The following VRK1 variants were observed in gnomAD, a reference collection of about 807,000 sequenced individuals.
VRK1 encodes serine/threonine-protein kinase VRK1.
Under a neutral mutation model 57.1 loss-of-function variants are expected in VRK1, and 33 were observed. The ratio of observed to expected loss-of-function variants is 0.58; its 90% CI spans 0.44 to 0.77. The LOEUF (loss-of-function observed/expected upper bound fraction) is 0.77, where lower values mean the gene tolerates loss of function less well. Ranked by LOEUF, VRK1 falls within the 30% of genes least tolerant of loss-of-function variation. The pLI is 0.00. For missense variants in VRK1, 413 were observed against 477.3 expected (o/e 0.87, Z 1.25); for synonymous variants, 137 against 147.8 (o/e 0.93, Z 0.53).
At chr14:96,855,171 TA>T (rs1383898419) in intron 7 of VRK1, 52 bp from the exon 8 acceptor site, 1 of 1,613,314 alleles carries the variant, frequency 6.2e-7, no homozygotes, top group African/African-American at 1.3e-5. Flanking sequence ...TTTAAAGGGT[TA>T]TATGTGCAGT....
intron 2 of VRK1, among the ~76,000 whole-genome samples, chr14:96,834,037 G>A (rs1164582289): frequency 6.6e-6 from 1 of 152,022 alleles, no homozygotes; most frequent in East Asian, 1.9e-4. Context: ...TTCTTTCAGT[G>A]CAACCCTCTT....
chr14:96,863,585 T>C (rs911577563), intron 11 of VRK1, among the ~76,000 whole-genome samples: 6 of 152,194 alleles, frequency 3.9e-5, no homozygotes, highest in African/African-American at 9.7e-5. Context: ...TGGAAAGTCG[T>C]TGAGTAAGGT....
chr14:96,802,652 C>T (rs1418677720), intron 1 of VRK1, among the ~76,000 whole-genome samples: 3 of 152,204 alleles, frequency 2.0e-5, no homozygotes, highest in Non-Finnish European at 2.9e-5. Flanking sequence ...TTACATGAAT[C>T]TGTACACATG....
intron 5 of VRK1, among the ~76,000 whole-genome samples, chr14:96,852,113 A>G (rs189522522): frequency 6.6e-6 from 1 of 152,296 alleles, no homozygotes; most frequent in African/African-American, 2.4e-5. Context: ...ATATAACGTG[A>G]TTATTGAATC....
chr14:96,835,429 C>T (rs1887174889), intron 2 of VRK1, among the ~76,000 whole-genome samples: 1 of 152,070 alleles, frequency 6.6e-6, no homozygotes, highest in Non-Finnish European at 1.5e-5. Context: ...GGCTTTTCTT[C>T]TTAGGTTCAC....
intron 1 of VRK1, among the ~76,000 whole-genome samples, chr14:96,810,022 G>A (rs865819616): frequency 6.6e-6 from 1 of 152,112 alleles, no homozygotes; most frequent in Non-Finnish European, 1.5e-5. Context: ...TTAATCACTA[G>A]TGGCTGTATA....
intron 8 of VRK1, 118 bp downstream of exon 8, chr14:96,855,474 T>C: frequency 6.7e-7 from 1 of 1,490,194 alleles, no homozygotes; most frequent in Non-Finnish European, 9.2e-7. Context: ...AAAGGCACAG[T>C]GGCATGAGGA....
intron 1 of VRK1, among the ~76,000 whole-genome samples, chr14:96,815,606 G>T (rs532938589): frequency 6.6e-6 from 1 of 152,038 alleles, no homozygotes; most frequent in South Asian, 2.1e-4. Context: ...AAAAAAAGCC[G>T]GGTGCGGTGG....
intron 4 of VRK1, among the ~76,000 whole-genome samples, chr14:96,846,409 T>C (rs1887694828): frequency 6.6e-6 from 1 of 152,170 alleles, no homozygotes; most frequent in African/African-American, 2.4e-5. Context: ...TAGGAAATAT[T>C]GTTAAACATT....
At chr14:96,857,460 G>A (rs1888210525) in intron 10 of VRK1, among the ~76,000 whole-genome samples, 1 of 152,144 alleles carries the variant, frequency 6.6e-6, no homozygotes, top group African/African-American at 2.4e-5. Flanking sequence ...CGAGGACTGT[G>A]TCTTCATAGG....
At chr14:96,816,765 TGAC>T (rs141986800) in intron 1 of VRK1, among the ~76,000 whole-genome samples, 12,606 of 151,850 alleles carry the variant, frequency 0.083, 675 homozygotes, top group Non-Finnish European at 0.13. Flanking sequence ...ACAGGACAAA[TGAC>T]AAGAAGAAGG....
At chr14:96,824,700 C>T (rs1277023049) in intron 1 of VRK1, among the ~76,000 whole-genome samples, 2 of 150,444 alleles carry the variant, frequency 1.3e-5, no homozygotes, top group Non-Finnish European at 2.9e-5. Flanking sequence ...GTCGCCCAGC[C>T]TGGAGTGCAG....
chr14:96,840,635 A>T (rs938845471), intron 3 of VRK1, among the ~76,000 whole-genome samples: 14 of 152,220 alleles, frequency 9.2e-5, no homozygotes, highest in African/African-American at 3.4e-4. Context: ...TCTATGGGTA[A>T]GATGAGTTTC....
At chr14:96,848,275 C>T (rs760094838) in intron 5 of VRK1, among the ~76,000 whole-genome samples, 5 of 152,104 alleles carry the variant, frequency 3.3e-5, no homozygotes, top group Non-Finnish European at 5.9e-5. Flanking sequence ...TGGTATCTAT[C>T]GTGTGTTGTG....
chr14:96,858,561 T>C (rs1181599990), intron 10 of VRK1, among the ~76,000 whole-genome samples: 1 of 152,210 alleles, frequency 6.6e-6, no homozygotes, highest in Non-Finnish European at 1.5e-5. Context: ...GCAGTTGGTT[T>C]TTGGGTATTA....
chr14:96,805,781 CAT>C (rs902891185), intron 1 of VRK1, among the ~76,000 whole-genome samples: 5 of 152,132 alleles, frequency 3.3e-5, no homozygotes, highest in African/African-American at 1.2e-4. Flanking sequence ...ACCATTGACA[CAT>C]GTTAATGAAA....
At chr14:96,808,028 T>TCTCCCTCA (rs1566683662) in intron 1 of VRK1, among the ~76,000 whole-genome samples, 1 of 83,576 alleles carries the variant, frequency 1.2e-5, no homozygotes, top group Non-Finnish European at 2.4e-5. Flanking sequence ...TGTGTGTGTG[T>TCTCCCTCA]GTGTGTGTGT....
intron 1 of VRK1, among the ~76,000 whole-genome samples, chr14:96,819,464 A>G (rs1886514458): frequency 6.6e-6 from 1 of 152,146 alleles, no homozygotes; most frequent in Non-Finnish European, 1.5e-5. Flanking sequence ...AAATATAAAG[A>G]TGCTGGGGCT....
In VRK1 at chr14:96,841,016, C is replaced by T. The variant is rs114352314; in HGVS notation, c.216+3199C>T. Among the ~76,000 whole-genome samples the T allele has an allele frequency of 9.0e-3, 1,369 of 151,864 alleles. 27 individuals carry two copies. The highest frequency in any genetic ancestry group is 0.031 in the African/African-American group (1,299 of 41,422). ...GACTAAAGGCACGCACCACCATGCC[C>T]GGCTAATTTTTTTGATTTTTTGGTA... On this transcript the variant is annotated intron_variant, in intron 3 of 12. Coordinates refer to ENST00000216639, the MANE Select transcript of VRK1 (RefSeq NM_003384.3).
Sources: gnomAD v4.1 joint callset for allele counts (sites outside exome capture counted in the v4.1 genomes callset) on GRCh38, gnomAD v4.1.1 for gene constraint, MANE v1.5 for transcripts, NCBI Gene and HGNC (gene_info 2026-07-23, HGNC 2026-07-21) for gene names.